Variants in CCSER1 observed in about 807,000 individuals in gnomAD.
The protein encoded by CCSER1 is serine-rich coiled-coil domain-containing protein 1.
CCSER1 carries 41 observed loss-of-function variants against 82.0 expected under a neutral mutation model. The observed-to-expected ratio is 0.50, with a 90% confidence interval of 0.39 to 0.65. The LOEUF (loss-of-function observed/expected upper bound fraction) is 0.65, where lower values mean the gene tolerates loss of function less well. Ranked by LOEUF, CCSER1 falls within the 30% of genes least tolerant of loss-of-function variation. The pLI is 0.00. For missense variants in CCSER1, 1,119 were observed against 1,064.2 expected (o/e 1.05, Z -0.72); for synonymous variants, 414 against 383.9 (o/e 1.08, Z -0.92).
intron 5 of CCSER1, among the ~76,000 whole-genome samples, chr4:90,583,982 T>C (rs891355137): frequency 3.9e-5 from 6 of 152,170 alleles, no homozygotes; most frequent in Non-Finnish European, 8.8e-5. Flanking sequence ...AAAAAAGTTG[T>C]ATCAAGATTA....
intron 10 of CCSER1, among the ~76,000 whole-genome samples, chr4:91,326,523 T>C (rs985608439): frequency 1.3e-5 from 2 of 152,190 alleles, no homozygotes; most frequent in Non-Finnish European, 2.9e-5. Flanking sequence ...CAATTCATCA[T>C]GTGATTTGCG....
At chr4:90,748,615 G>A (rs971855058) in intron 7 of CCSER1, among the ~76,000 whole-genome samples, 25 of 148,048 alleles carry the variant, frequency 1.7e-4, no homozygotes, top group Middle Eastern at 3.6e-3. Context: ...TCGCCACACT[G>A]ACTTCCACAA....
chr4:90,201,460 G>T (rs1456714155), intron 1 of CCSER1, among the ~76,000 whole-genome samples: 1 of 151,312 alleles, frequency 6.6e-6, no homozygotes, highest in Non-Finnish European at 1.5e-5. Flanking sequence ...GTGTGATTTT[G>T]TTATCTCATA....
chr4:90,155,239 A>C (rs1727841035), intron 1 of CCSER1, among the ~76,000 whole-genome samples: 1 of 152,124 alleles, frequency 6.6e-6, no homozygotes, highest in Non-Finnish European at 1.5e-5. Context: ...CCACTTGATC[A>C]TGGTGGATAA....
At chr4:91,586,659 A>G (rs886546704) in intron 10 of CCSER1, among the ~76,000 whole-genome samples, 2 of 151,778 alleles carry the variant, frequency 1.3e-5, no homozygotes, top group Admixed American at 1.3e-4. Context: ...GGGATGATGA[A>G]CAAGGTAGGG....
At chr4:90,749,539 A>G (rs1344909588) in intron 7 of CCSER1, among the ~76,000 whole-genome samples, 1 of 152,030 alleles carries the variant, frequency 6.6e-6, no homozygotes, top group Non-Finnish European at 1.5e-5. Flanking sequence ...TTGGTTCCAT[A>G]TGAACTTTAA....
intron 9 of CCSER1, among the ~76,000 whole-genome samples, chr4:91,054,750 T>G (rs1473574963): frequency 6.6e-6 from 1 of 152,074 alleles, no homozygotes; most frequent in Admixed American, 6.6e-5. Context: ...TGGAAGTGTT[T>G]GCATTGTATT....
chr4:90,515,331 T>C (rs1772120114), intron 5 of CCSER1, among the ~76,000 whole-genome samples: 1 of 152,228 alleles, frequency 6.6e-6, no homozygotes, highest in African/African-American at 2.4e-5. Context: ...AAATACTGTC[T>C]TGCCTAGCTT....
intron 10 of CCSER1, among the ~76,000 whole-genome samples, chr4:91,480,603 G>T (rs1470366241): frequency 6.6e-6 from 1 of 152,104 alleles, no homozygotes; most frequent in East Asian, 1.9e-4. Context: ...TCATGTTTAT[G>T]CACTTTGTTT....
chr4:91,251,387 C>G (rs1174261958), intron 10 of CCSER1, among the ~76,000 whole-genome samples: 1 of 152,092 alleles, frequency 6.6e-6, no homozygotes, highest in Non-Finnish European at 1.5e-5. Context: ...GTCTCCACCT[C>G]CAAATACCAA....
At chr4:91,146,854 T>A (rs1399336791) in intron 10 of CCSER1, among the ~76,000 whole-genome samples, 11 of 152,122 alleles carry the variant, frequency 7.2e-5, no homozygotes, top group Admixed American at 7.2e-4. Context: ...GGTAGGCTCT[T>A]AGCTGCGTGC....
At chr4:91,124,863 A>G (rs962646106) in intron 10 of CCSER1, among the ~76,000 whole-genome samples, 18 of 151,664 alleles carry the variant, frequency 1.2e-4, no homozygotes, top group Non-Finnish European at 1.2e-4. Flanking sequence ...TTTTTCCTAG[A>G]TGAATTTAAA....
At chr4:91,164,929 C>T (rs1731866852) in intron 10 of CCSER1, among the ~76,000 whole-genome samples, 2 of 152,230 alleles carry the variant, frequency 1.3e-5, no homozygotes, top group African/African-American at 4.8e-5. Flanking sequence ...AAGTCTACTT[C>T]TGTCAGCTCG....
At chr4:90,143,938 C>T (rs1010549797) in intron 1 of CCSER1, among the ~76,000 whole-genome samples, 1 of 152,170 alleles carries the variant, frequency 6.6e-6, no homozygotes, top group African/African-American at 2.4e-5. Context: ...AGTCCTCCCA[C>T]CTCAGCCTCC....
intron 10 of CCSER1, among the ~76,000 whole-genome samples, chr4:91,169,032 T>G (rs929363323): frequency 4.6e-5 from 7 of 151,818 alleles, no homozygotes; most frequent in Admixed American, 4.6e-4. Flanking sequence ...CACTCCCTAA[T>G]CTCAAGTACC....
At chr4:91,464,568 A>G (rs1756747460) in intron 10 of CCSER1, among the ~76,000 whole-genome samples, 1 of 152,244 alleles carries the variant, frequency 6.6e-6, no homozygotes, top group East Asian at 1.9e-4. Flanking sequence ...CAAATCAGAT[A>G]AAGAATCAAG....
In CCSER1 at chr4:90,156,106, A is replaced by G. The variant is rs537161070; in HGVS notation, c.-42+28275A>G. Among the ~76,000 whole-genome samples the G allele has an allele frequency of 1.2e-3, 175 of 152,156 alleles. 1 individual carries two copies. Among genetic ancestry groups the G allele is most frequent in the East Asian group, 3.3e-3 (17 of 5,176 alleles). ...CTCATTGGTTTCAAAGAACATCTTT[A>G]TTTCTGCCTTCATTTCGTTATGTAC... is the stretch of plus-strand genomic sequence containing the variant. On this transcript the variant is annotated intron_variant, in intron 1 of 10. Coordinates refer to ENST00000509176, the MANE Select transcript of CCSER1 (RefSeq NM_001145065.2).
intron 1 of CCSER1, among the ~76,000 whole-genome samples, chr4:90,228,369 A>G (rs531614696): frequency 2.8e-4 from 42 of 152,224 alleles, no homozygotes; most frequent in African/African-American, 1.0e-3. Context: ...GCAGACTGAC[A>G]CCTCACAGGG....
In CCSER1 at chr4:90,482,118, C is replaced by G. The variant is rs930108421; in HGVS notation, c.1724+13764C>G. On this transcript the variant is annotated intron_variant, in intron 5 of 10. Coordinates refer to ENST00000509176, the MANE Select transcript of CCSER1 (RefSeq NM_001145065.2). ...GATTTGGGAGAGTGTGTGTGTTGAG[C>G]AATTTATCCATTTCTTCTAGATTTT... Among the ~76,000 whole-genome samples the G allele has an allele frequency of 4.6e-5, 7 of 152,070 alleles. 2 individuals are homozygous for G. The highest frequency in any genetic ancestry group is 4.2e-4 in the South Asian group (2 of 4,808).
Sources: gnomAD v4.1 joint callset for allele counts (sites outside exome capture counted in the v4.1 genomes callset) on GRCh38, gnomAD v4.1.1 for gene constraint, MANE v1.5 for transcripts, NCBI Gene and HGNC (gene_info 2026-07-23, HGNC 2026-07-21) for gene names.